TRABD2B: variants seen among roughly 807,000 people sequenced by gnomAD.
The protein encoded by TRABD2B is TraB domain containing 2B, also known as metalloprotease TIKI2.
Under a neutral mutation model 40.1 loss-of-function variants are expected in TRABD2B, and 14 were observed. That is an observed-to-expected ratio of 0.35 (90% CI 0.23 to 0.55). The LOEUF (loss-of-function observed/expected upper bound fraction) is 0.55. Ranked by LOEUF, TRABD2B falls within the 20% of genes least tolerant of loss-of-function variation. TRABD2B has a pLI of 0.90. For missense variants in TRABD2B, 541 were observed against 648.6 expected (o/e 0.83, Z 1.80); for synonymous variants, 263 against 277.0 (o/e 0.95, Z 0.50).
chr1:47,826,008 A>G (rs551248375), intron 2 of TRABD2B, among the ~76,000 whole-genome samples: 17 of 152,192 alleles, frequency 1.1e-4, no homozygotes, highest in South Asian at 4.1e-4. Flanking sequence ...TTCCTCACCA[A>G]TGCAGGTCCC....
intron 2 of TRABD2B, among the ~76,000 whole-genome samples, chr1:47,908,555 C>T (rs1262866706): frequency 6.6e-6 from 1 of 152,172 alleles, no homozygotes; most frequent in Non-Finnish European, 1.5e-5. Context: ...TCTGCACAGG[C>T]TCCTATTCTC....
At position 47,886,859 on chromosome 1, in the gene TRABD2B, T is replaced by C. The variant is rs557440938; in HGVS notation, c.667-85240A>G. 7.9e-5 allele frequency among the ~76,000 whole-genome samples: 12 copies of C among 152,288 alleles called. No individual in the cohort carries two copies. The East Asian group carries it at 9.7e-4, about 12-fold the overall frequency. On this transcript the variant is annotated intron_variant, in intron 2 of 6. Transcript: ENST00000606738. The stretch of plus-strand genomic sequence containing the variant: ...CCTGCCTTGGTCCGGGGCCATTTCA[T>C]CTCTGACAGGTTTCTAATGTGTCCC...
At chr1:47,806,888 G>A (rs1177967674) in intron 2 of TRABD2B, among the ~76,000 whole-genome samples, 1 of 152,122 alleles carries the variant, frequency 6.6e-6, no homozygotes, top group African/African-American at 2.4e-5. Context: ...TAGAGTCAGG[G>A]TCCCTTGGGA....
At chr1:47,865,249 C>G (rs1174787273) in intron 2 of TRABD2B, among the ~76,000 whole-genome samples, 1 of 152,102 alleles carries the variant, frequency 6.6e-6, no homozygotes, top group Non-Finnish European at 1.5e-5. Flanking sequence ...GCAGCTGGGA[C>G]CAGGAAGCCA....
intron 6 of TRABD2B, 125 bp downstream of exon 6, chr1:47,775,045 A>G (rs1053254613): frequency 1.0e-6 from 1 of 961,228 alleles, no homozygotes; most frequent in African/African-American, 1.7e-5. Context: ...GTAGAAAGCC[A>G]CCTGCCACAC....
chr1:47,927,075 C>T lies in TRABD2B; in HGVS notation c.666+66959G>A, dbSNP rs181629111. Among the ~76,000 whole-genome samples, 302 of 152,274 alleles carry T rather than the reference C, an allele frequency of 2.0e-3. 6 individuals carry two copies. Among genetic ancestry groups the T allele is most frequent in the East Asian group, 7.9e-3 (41 of 5,174 alleles). ...TTGATGGAGGTGAGTGGGAAAGCTGCCTTGAAGACCTTTGGAGGGTCTAGC... is the reference window on the plus strand; with the variant it reads ...TTGATGGAGGTGAGTGGGAAAGCTGTCTTGAAGACCTTTGGAGGGTCTAGC... On this transcript the variant is annotated intron_variant, in intron 2 of 6. Transcript: ENST00000606738.
At chr1:47,868,792 C>T (rs1395242651) in intron 2 of TRABD2B, among the ~76,000 whole-genome samples, 1 of 152,188 alleles carries the variant, frequency 6.6e-6, no homozygotes, top group African/African-American at 2.4e-5. Context: ...GGGGACATCA[C>T]TCTACTCAAG....
At chr1:47,793,249 C>T (rs775084488) in intron 4 of TRABD2B, among the ~76,000 whole-genome samples, 7 of 152,098 alleles carry the variant, frequency 4.6e-5, no homozygotes, top group Non-Finnish European at 1.0e-4. Flanking sequence ...AGAGACTTGC[C>T]GGAGGCCACA....
chr1:47,788,118 A>G (rs759526436), intron 4 of TRABD2B, among the ~76,000 whole-genome samples: 2 of 152,154 alleles, frequency 1.3e-5, no homozygotes, highest in Non-Finnish European at 2.9e-5. Context: ...TGGAATAATA[A>G]ATACCATCCT....
At chr1:47,957,555 T>G (rs186295815) in intron 2 of TRABD2B, among the ~76,000 whole-genome samples, 1 of 152,176 alleles carries the variant, frequency 6.6e-6, no homozygotes, top group African/African-American at 2.4e-5. Flanking sequence ...GCATGAGAAC[T>G]TCATGACGCA....
rs1183325621 is a variant in TRABD2B at position 47,974,368 on chromosome 1, CT to C, written c.666+19665del. Among the ~76,000 whole-genome samples, 6 of 152,270 alleles carry C rather than the reference CT, an allele frequency of 3.9e-5. No homozygotes were observed. The East Asian group carries it at 1.2e-3, about 29-fold the overall frequency. The stretch of plus-strand genomic sequence containing the variant: ...ATGTGCCTTCCCCAGGTGTTCATGG[CT>C]GGCTCCTCCTCATCCTTCTGGATTC... On this transcript the variant is annotated intron_variant, in intron 2 of 6. Transcript: ENST00000606738.
At chr1:47,799,882 T>G (rs568490456) in intron 3 of TRABD2B, among the ~76,000 whole-genome samples, 48 of 152,260 alleles carry the variant, frequency 3.2e-4, no homozygotes, top group African/African-American at 1.1e-3. Context: ...TCCAAATGCT[T>G]CCTCCACTCC....
In TRABD2B at chr1:47,808,122, C is replaced by T. The variant is rs537622877; in HGVS notation, c.667-6503G>A. Among the ~76,000 whole-genome samples, 14 of 152,296 alleles carry T rather than the reference C, an allele frequency of 9.2e-5. No individual in the cohort carries two copies. The East Asian group carries it at 1.2e-3, about 13-fold the overall frequency. The stretch of plus-strand genomic sequence containing the variant: ...CTCCATAACGTAGGTGGGCTTCATC[C>T]GCTCAGTTGAAGGCCTTACTAGAAA... On this transcript the variant is annotated intron_variant, in intron 2 of 6. Coordinates refer to ENST00000606738, the MANE Select transcript of TRABD2B (RefSeq NM_001194986.2).
intron 2 of TRABD2B, among the ~76,000 whole-genome samples, chr1:47,905,388 C>A (rs1326121520): frequency 1.3e-5 from 2 of 152,168 alleles, no homozygotes; most frequent in Non-Finnish European, 2.9e-5. Flanking sequence ...GATGTCTGAA[C>A]AGGGAAATGT....
intron 2 of TRABD2B, among the ~76,000 whole-genome samples, chr1:47,832,469 T>C (rs188097555): frequency 6.6e-6 from 1 of 152,324 alleles, no homozygotes; most frequent in Non-Finnish European, 1.5e-5. Context: ...GGGGGGATGA[T>C]TTAAATGCAT....
chr1:47,900,689 T>C (rs1442707575), intron 2 of TRABD2B, among the ~76,000 whole-genome samples: 1 of 152,136 alleles, frequency 6.6e-6, no homozygotes, highest in Non-Finnish European at 1.5e-5. Flanking sequence ...AAAACCTAGT[T>C]TCCTTTTCTT....
chr1:47,779,563 C>A (rs916062418), intron 4 of TRABD2B, among the ~76,000 whole-genome samples: 1 of 152,318 alleles, frequency 6.6e-6, no homozygotes, highest in Non-Finnish European at 1.5e-5. Context: ...CTCTCCTGGG[C>A]TCTGGTTGGG....
chr1:47,775,300 G>C lies in TRABD2B; in HGVS notation c.1219C>G (p.Pro407Ala). 1.6e-6 allele frequency: 2 copies of C among 1,253,316 alleles called. No homozygotes were observed. Among genetic ancestry groups the C allele is most frequent in the Non-Finnish European group, 2.0e-6 (2 of 996,458 alleles). The allele number at this position is 1,253,316 out of a possible 1,614,324, so 77.6% of individuals were successfully genotyped here. A position where few individuals can be genotyped will look rare whatever the true frequency, so the allele number is the denominator to read the frequency against. ...AGGCTGTCGGGGAGCAGGAGGTGTG[G>C]GGACAGGGCTGGATCCTCATCCTCT... ...PPEDEDPALSPHLLLPDSLSQ... is the reference protein window; with the variant it reads ...PPEDEDPALSAHLLLPDSLSQ... Residue 407 changes from proline to alanine, a missense_variant, in exon 6 of 7, where the codon CCA becomes GCA. Pro to Ala is a conservative substitution (Grantham distance 27). Coordinates refer to ENST00000606738, the MANE Select transcript of TRABD2B (RefSeq NM_001194986.2).
At chr1:47,859,569 C>T (rs996577343) in intron 2 of TRABD2B, among the ~76,000 whole-genome samples, 8 of 152,366 alleles carry the variant, frequency 5.3e-5, no homozygotes, top group Middle Eastern at 6.8e-3. Context: ...CCCTTTCTGG[C>T]CTGACCCTGG....
Sources: allele counts gnomAD v4.1 joint callset (sites outside exome capture counted in the v4.1 genomes callset), GRCh38; gene constraint gnomAD v4.1.1; transcripts MANE v1.5; gene names NCBI Gene and HGNC (gene_info 2026-07-23, HGNC 2026-07-21).